CADM2: variants seen among roughly 807,000 people sequenced by gnomAD.
CADM2 encodes cell adhesion molecule 2.
CADM2 carries 12 observed loss-of-function variants against 49.8 expected under a neutral mutation model. The observed-to-expected ratio is 0.24, with a 90% CI of 0.15 to 0.39. The LOEUF (loss-of-function observed/expected upper bound fraction) is 0.39, where lower values mean the gene tolerates loss of function less well. Ranked by LOEUF, CADM2 falls within the 10% of genes least tolerant of loss-of-function variation. The probability of loss-of-function intolerance (pLI) is 1.00; values close to 1 mark genes in which losing one functional copy is unlikely to be tolerated. For missense variants in CADM2, 378 were observed against 492.3 expected (o/e 0.77, Z 2.20); for synonymous variants, 214 against 175.4 (o/e 1.22, Z -1.74).
intron 1 of CADM2, among the ~76,000 whole-genome samples, chr3:85,652,418 C>G (rs1329340098): frequency 1.3e-5 from 2 of 152,070 alleles, no homozygotes; most frequent in Non-Finnish European, 1.5e-5. Flanking sequence ...TTAGCTGGGT[C>G]CTATAATTCA....
At chr3:85,881,165 CTG>C (rs1263003154) in intron 3 of CADM2, among the ~76,000 whole-genome samples, 1 of 152,188 alleles carries the variant, frequency 6.6e-6, no homozygotes, top group East Asian at 1.9e-4. Context: ...ATTCTATCCT[CTG>C]TCATTTTCAT....
intron 1 of CADM2, among the ~76,000 whole-genome samples, chr3:85,583,072 T>A (rs1478989607): frequency 6.6e-6 from 1 of 152,164 alleles, no homozygotes; most frequent in East Asian, 1.9e-4. Flanking sequence ...TGGGGATTTT[T>A]AATTATTATT....
At chr3:85,009,127 G>T (rs1032723816) in intron 1 of CADM2, among the ~76,000 whole-genome samples, 11 of 152,156 alleles carry the variant, frequency 7.2e-5, no homozygotes, top group Non-Finnish European at 1.6e-4. Flanking sequence ...GATCCCTGGG[G>T]AAGTTGAGAA....
chr3:85,910,617 C>G (rs902108595), intron 5 of CADM2, among the ~76,000 whole-genome samples: 1 of 151,900 alleles, frequency 6.6e-6, no homozygotes, highest in African/African-American at 2.4e-5. Context: ...AATTTTGTAT[C>G]CTGTGTTATT....
At chr3:85,721,267 T>A (rs2067493653) in intron 1 of CADM2, among the ~76,000 whole-genome samples, 1 of 152,226 alleles carries the variant, frequency 6.6e-6, no homozygotes, top group African/African-American at 2.4e-5. Flanking sequence ...CAATGTTTTG[T>A]TTTGCTGCAA....
At chr3:85,342,665 G>A (rs969355907) in intron 1 of CADM2, among the ~76,000 whole-genome samples, 1 of 151,996 alleles carries the variant, frequency 6.6e-6, no homozygotes, top group Non-Finnish European at 1.5e-5. Flanking sequence ...GTTTGGACAG[G>A]CCTCTGCTTT....
At chr3:85,906,064 T>A (rs909644032) in intron 5 of CADM2, among the ~76,000 whole-genome samples, 5 of 152,188 alleles carry the variant, frequency 3.3e-5, no homozygotes, top group African/African-American at 4.8e-5. Flanking sequence ...ACTTGCCTGC[T>A]GCTACAGAAG....
At position 85,685,846 on chromosome 3, in the gene CADM2, G is replaced by C. The variant is rs56261421; in HGVS notation, c.62-40676G>C. Among the ~76,000 whole-genome samples the C allele has an allele frequency of 3.1e-3, 473 of 151,038 alleles. 4 individuals are homozygous for C. The highest frequency in any genetic ancestry group is 5.3e-3 in the Non-Finnish European group (356 of 67,766). ...TCATCATGTTGGGTAGCCTGGTCTC[G>C]AACTCCTGACCTCGTGATCCGCCCA... On this transcript the variant is annotated intron_variant, in intron 1 of 9. Coordinates refer to ENST00000383699, the MANE Select transcript of CADM2 (RefSeq NM_001167675.2).
chr3:85,489,929 C>T (rs898160617), intron 1 of CADM2, among the ~76,000 whole-genome samples: 2 of 151,894 alleles, frequency 1.3e-5, no homozygotes, highest in Admixed American at 1.3e-4. Flanking sequence ...ACAAATATAA[C>T]CCCATGCCTT....
chr3:85,098,770 T>C (rs1389073538), intron 1 of CADM2, among the ~76,000 whole-genome samples: 1 of 152,174 alleles, frequency 6.6e-6, no homozygotes, highest in East Asian at 1.9e-4. Context: ...GTGCATATGC[T>C]TGCTCCGCAC....
intron 1 of CADM2, among the ~76,000 whole-genome samples, chr3:85,363,871 A>G (rs2032546232): frequency 6.6e-6 from 1 of 150,734 alleles, no homozygotes; most frequent in Admixed American, 6.6e-5. Flanking sequence ...TCGGCCTCCT[A>G]AAGTGCTGGG....
chr3:85,173,486 T>C (rs1315544370), intron 1 of CADM2, among the ~76,000 whole-genome samples: 1 of 152,180 alleles, frequency 6.6e-6, no homozygotes, highest in African/African-American at 2.4e-5. Context: ...AAGTTTTTTC[T>C]TGACTAAATA....
chr3:85,479,156 G>A (rs1312336672), intron 1 of CADM2, among the ~76,000 whole-genome samples: 4 of 151,758 alleles, frequency 2.6e-5, no homozygotes, highest in Non-Finnish European at 5.9e-5. Flanking sequence ...ATGTCCCTGT[G>A]TTGCTCAAGC....
Position 85,641,215 on chromosome 3 carries a change from T to C in CADM2, c.62-85307T>C, listed in dbSNP as rs140214322. Among the ~76,000 whole-genome samples the C allele has an allele frequency of 4.4e-3, 666 of 152,240 alleles. 5 individuals carry two copies. The highest frequency in any genetic ancestry group is 0.031 in the Middle Eastern group (9 of 294). On this transcript the variant is annotated intron_variant, in intron 1 of 9. Coordinates refer to ENST00000383699, the MANE Select transcript of CADM2 (RefSeq NM_001167675.2). ...CTTTTCTTAGCTAAAAAAAAACTAG[T>C]GATAGAAGTATATACACTAGTGATA... is the stretch of plus-strand genomic sequence containing the variant.
intron 1 of CADM2, among the ~76,000 whole-genome samples, chr3:85,457,446 T>A (rs1413369538): frequency 3.3e-5 from 5 of 152,060 alleles, no homozygotes; most frequent in Non-Finnish European, 7.4e-5. Context: ...GGATTTATTA[T>A]GAATTTCTTA....
rs62261749 is a variant in CADM2, at chr3:85,917,522, C to T, written c.700+4979C>T. On this transcript the variant is annotated intron_variant, in intron 6 of 9. Transcript: ENST00000383699. Reference sequence around the variant, plus strand: ...TGAGGGCTCTGTTCTGTTCCATTGGCCTATATCTCTGTTTTGGTACCAGTA... The same window carrying T: ...TGAGGGCTCTGTTCTGTTCCATTGGTCTATATCTCTGTTTTGGTACCAGTA... 4.6e-5 allele frequency among the ~76,000 whole-genome samples: 7 copies of T among 151,774 alleles called. No homozygotes were observed. In the South Asian group the frequency reaches 6.2e-4, roughly 13 times the overall value.
chr3:85,823,300 A>T (rs1405448127), intron 3 of CADM2, among the ~76,000 whole-genome samples: 1 of 152,190 alleles, frequency 6.6e-6, no homozygotes, highest in Non-Finnish European at 1.5e-5. Flanking sequence ...AAGAACCCTG[A>T]TATTTAGCTG....
At chr3:85,787,652 T>C (rs2071074967) in intron 2 of CADM2, among the ~76,000 whole-genome samples, 1 of 152,146 alleles carries the variant, frequency 6.6e-6, no homozygotes, top group East Asian at 1.9e-4. Flanking sequence ...CATATGCCTA[T>C]ATAAATGATC....
At chr3:85,515,829 AT>A (rs1288453032) in intron 1 of CADM2, among the ~76,000 whole-genome samples, 1 of 151,806 alleles carries the variant, frequency 6.6e-6, no homozygotes, top group African/African-American at 2.4e-5. Context: ...TTAAAGTTAA[AT>A]GTATTTAAAT....
Sources: gnomAD v4.1 joint callset for allele counts (sites outside exome capture counted in the v4.1 genomes callset) on GRCh38, gnomAD v4.1.1 for gene constraint, MANE v1.5 for transcripts, NCBI Gene and HGNC (gene_info 2026-07-23, HGNC 2026-07-21) for gene names.